Variants in SLC39A11 observed in about 807,000 individuals in gnomAD.
SLC39A11 encodes the protein solute carrier family 39 member 11.
Under a neutral mutation model 36.1 loss-of-function variants are expected in SLC39A11, and 33 were observed. The observed-to-expected ratio is 0.91, with a 90% CI of 0.69 to 1.22. The LOEUF (loss-of-function observed/expected upper bound fraction) is 1.22. Among genes scored for constraint, SLC39A11 ranks in the 50% most tolerant of loss-of-function variants. The pLI, the probability that SLC39A11 is intolerant of heterozygous loss-of-function variation, is 0.00. For missense variants in SLC39A11, 432 were observed against 430.3 expected (o/e 1.00, Z -0.03); for synonymous variants, 166 against 170.3 (o/e 0.97, Z 0.20).
chr17:72,814,277 C>T (rs2567488), intron 6 of SLC39A11, among the ~76,000 whole-genome samples: 8,717 of 152,236 alleles, frequency 0.057, 503 homozygotes, highest in African/African-American at 0.15. Context: ...CTGAGAAGTA[C>T]CTGACCCTCT....
chr17:72,949,248 C>A (rs555607409), intron 4 of SLC39A11, among the ~76,000 whole-genome samples: 104 of 143,300 alleles, frequency 7.3e-4, no homozygotes, highest in African/African-American at 1.7e-3. Flanking sequence ...CAACCTCTGC[C>A]CCACCGTGTT....
intron 6 of SLC39A11, among the ~76,000 whole-genome samples, chr17:72,837,360 CAAAAAAA>C (rs34639176): frequency 2.2e-5 from 2 of 91,132 alleles, no homozygotes; most frequent in African/African-American, 7.9e-5. Context: ...GTATATTGCT[CAAAAAAA>C]AAAAAAAAAA....
intron 3 of SLC39A11, among the ~76,000 whole-genome samples, chr17:73,082,057 G>A (rs373469703): frequency 2.0e-4 from 25 of 127,142 alleles, no homozygotes; most frequent in East Asian, 9.7e-4. Flanking sequence ...AGAAATTACC[G>A]CTAAAGAACT....
intron 7 of SLC39A11, among the ~76,000 whole-genome samples, chr17:72,695,032 CCTTT>C (rs1220266973): frequency 1.3e-5 from 2 of 152,286 alleles, no homozygotes; most frequent in East Asian, 3.9e-4. Flanking sequence ...AGCAGCTGCC[CCTTT>C]CTTTCTGCTG....
intron 4 of SLC39A11, among the ~76,000 whole-genome samples, chr17:73,006,966 T>C (rs978779765): frequency 6.6e-6 from 1 of 152,138 alleles, no homozygotes; most frequent in Non-Finnish European, 1.5e-5. Context: ...CAAATCAGTT[T>C]CAGGGCCCCT....
At chr17:72,780,713 G>A (rs1462404528) in intron 6 of SLC39A11, among the ~76,000 whole-genome samples, 5 of 152,128 alleles carry the variant, frequency 3.3e-5, no homozygotes, top group Non-Finnish European at 5.9e-5. Context: ...CATGCCGGGC[G>A]TGGTGGCTCA....
intron 3 of SLC39A11, among the ~76,000 whole-genome samples, chr17:73,051,805 C>CACAGAGGTTGCAGTGAGT (rs2059512716): frequency 1.7e-5 from 1 of 59,206 alleles, no homozygotes; most frequent in Non-Finnish European, 3.4e-5. Flanking sequence ...TTGCAGTCAG[C>CACAGAGGTTGCAGTGAGT]TGAGATCTCG....
chr17:73,038,544 CA>C (rs35947586), intron 3 of SLC39A11, among the ~76,000 whole-genome samples: 163 of 123,832 alleles, frequency 1.3e-3, no homozygotes, highest in Admixed American at 1.6e-3. Flanking sequence ...ACTAAAAATA[CA>C]AAAAAAAAAA....
chr17:73,067,016 CT>C (rs2060015831), intron 3 of SLC39A11, among the ~76,000 whole-genome samples: 1 of 152,056 alleles, frequency 6.6e-6, no homozygotes, highest in Non-Finnish European at 1.5e-5. Flanking sequence ...TCAAATGAAA[CT>C]AAAGAAAGAA....
intron 5 of SLC39A11, among the ~76,000 whole-genome samples, chr17:72,882,803 T>TTTTTTTTTCTTTTTCTTTC (rs1429275568): frequency 4.1e-5 from 6 of 147,402 alleles, no homozygotes; most frequent in East Asian, 2.0e-4. Context: ...GCTTCTTTTT[T>TTTTTTTTTCTTTTTCTTTC]TTTTTTTTTT....
chr17:72,911,737 G>A lies in SLC39A11; in HGVS notation c.430+36015C>T, dbSNP rs142087248. ...CAGCTCACTGCAACCTCTGCCTCCC[G>A]GGTTCAAGCAATTCTACCACCTCAG... On this transcript the variant is annotated intron_variant, in intron 5 of 9. Transcript: ENST00000255559. Among the ~76,000 whole-genome samples the A allele has an allele frequency of 5.2e-3, 786 of 152,218 alleles. 3 individuals carry two copies. Among genetic ancestry groups the A allele is most frequent in the African/African-American group, 0.016 (679 of 41,520 alleles).
At chr17:72,718,401 T>A (rs182639673) in intron 7 of SLC39A11, among the ~76,000 whole-genome samples, 2 of 152,162 alleles carry the variant, frequency 1.3e-5, no homozygotes, top group Non-Finnish European at 2.9e-5. Flanking sequence ...ATCAGGCCAC[T>A]GCACCCCAGC....
At chr17:72,847,399 C>G (rs1411802259) in intron 6 of SLC39A11, among the ~76,000 whole-genome samples, 1 of 28,540 alleles carries the variant, frequency 3.5e-5, no homozygotes, top group Non-Finnish European at 8.3e-5. Context: ...GAGACTCTGT[C>G]TCATAAAAAA....
intron 6 of SLC39A11, among the ~76,000 whole-genome samples, chr17:72,793,946 A>C (rs1482133474): frequency 6.6e-6 from 1 of 151,460 alleles, no homozygotes; most frequent in Admixed American, 6.6e-5. Context: ...CACACCGGCC[A>C]GTATACAGAG....
At chr17:72,966,695 G>A (rs182451496) in intron 4 of SLC39A11, among the ~76,000 whole-genome samples, 9 of 152,132 alleles carry the variant, frequency 5.9e-5, no homozygotes, top group African/African-American at 1.2e-4. Context: ...TCAGCCTCCC[G>A]AGTAGCTGGG....
intron 7 of SLC39A11, among the ~76,000 whole-genome samples, chr17:72,661,697 A>C (rs1289550269): frequency 6.6e-6 from 1 of 152,108 alleles, no homozygotes; most frequent in Non-Finnish European, 1.5e-5. Flanking sequence ...GCCCGGCCCT[A>C]CCTGCTCAGA....
At chr17:72,849,540 C>A in intron 6 of SLC39A11, 94 bp downstream of exon 6, 1 of 1,339,562 alleles carries the variant, frequency 7.5e-7, no homozygotes. Flanking sequence ...ACCCACGTCA[C>A]AATTGCCCCT....
intron 5 of SLC39A11, among the ~76,000 whole-genome samples, chr17:72,922,854 G>A (rs749769240): frequency 9.4e-5 from 14 of 149,286 alleles, no homozygotes; most frequent in Non-Finnish European, 1.5e-4. Flanking sequence ...TGTAGTCCCC[G>A]CTACTCGGGA....
chr17:72,819,073 A>G (rs1417669270), intron 6 of SLC39A11: 3 of 152,290 alleles, frequency 2.0e-5, no homozygotes, highest in South Asian at 2.1e-4. Flanking sequence ...CTCTCCCCCA[A>G]ATTAATATGT....
Sources: gnomAD v4.1 joint callset for allele counts (sites outside exome capture counted in the v4.1 genomes callset) on GRCh38, gnomAD v4.1.1 for gene constraint, MANE v1.5 for transcripts, NCBI Gene and HGNC (gene_info 2026-07-23, HGNC 2026-07-21) for gene names.